NKAIN3: variants seen among roughly 807,000 people sequenced by gnomAD.
NKAIN3 encodes the protein sodium/potassium-transporting ATPase subunit beta-1-interacting protein 3.
A neutral mutation model predicts 30.2 loss-of-function variants in NKAIN3; 25 were observed. The observed-to-expected ratio is 0.83, with a 90% CI of 0.60 to 1.16. The LOEUF is 1.16. NKAIN3 is among the 50% of genes most tolerant of loss of function. The pLI, the probability that NKAIN3 is intolerant of heterozygous loss-of-function variation, is 0.00. For synonymous variants in NKAIN3, 91 were observed against 89.6 expected (o/e 1.02, Z -0.09); for missense variants, 225 against 254.1 (o/e 0.89, Z 0.78).
chr8:62,553,974 A>G (rs147421017), intron 1 of NKAIN3, among the ~76,000 whole-genome samples: 33 of 152,326 alleles, frequency 2.2e-4, no homozygotes, highest in African/African-American at 7.9e-4. Flanking sequence ...ATATCTCTTG[A>G]TGGAAAACTA....
chr8:62,540,837 A>G (rs1466391909), intron 1 of NKAIN3, among the ~76,000 whole-genome samples: 1 of 152,092 alleles, frequency 6.6e-6, no homozygotes, highest in Non-Finnish European at 1.5e-5. Context: ...AGTCTTGAAA[A>G]AAAAGGGTGA....
In NKAIN3 at chr8:62,441,980, A is replaced by G. The variant is rs572017215; in HGVS notation, c.55-137559A>G. On this transcript the variant is annotated intron_variant, in intron 1 of 6. Transcript: ENST00000623646. The stretch of plus-strand genomic sequence containing the variant: ...CCCTTTTTTTGCATTTGGGAAAATC[A>G]TATACATTTGTCTATTATTTTGTTA... Among the ~76,000 whole-genome samples the G allele has an allele frequency of 2.0e-5, 3 of 152,182 alleles. No individual in the cohort carries two copies. In the South Asian group the frequency reaches 6.2e-4, roughly 31 times the overall value.
chr8:62,899,765 G>A (rs1256599291), intron 4 of NKAIN3, among the ~76,000 whole-genome samples: 1 of 152,036 alleles, frequency 6.6e-6, no homozygotes, highest in African/African-American at 2.4e-5. Context: ...GTAACACAAA[G>A]GATAAAATGC....
chr8:62,333,374 C>T (rs1815420017), intron 1 of NKAIN3, among the ~76,000 whole-genome samples: 1 of 151,982 alleles, frequency 6.6e-6, no homozygotes, highest in African/African-American at 2.4e-5. Context: ...AGTGCATGTC[C>T]CATCGGCCAA....
chr8:62,770,397 C>T (rs1467385513), intron 4 of NKAIN3, among the ~76,000 whole-genome samples: 2 of 152,168 alleles, frequency 1.3e-5, no homozygotes, highest in Non-Finnish European at 2.9e-5. Context: ...GTAGTTTAAA[C>T]AACAAACCTG....
intron 5 of NKAIN3, among the ~76,000 whole-genome samples, chr8:62,937,733 C>T (rs1402486895): frequency 6.6e-6 from 1 of 152,036 alleles, no homozygotes; most frequent in Non-Finnish European, 1.5e-5. Context: ...ACCACAGAAG[C>T]CTCAGCAGGC....
At chr8:62,523,090 AG>A (rs1277517718) in intron 1 of NKAIN3, among the ~76,000 whole-genome samples, 2 of 152,108 alleles carry the variant, frequency 1.3e-5, no homozygotes, top group African/African-American at 4.8e-5. Flanking sequence ...TGTCCTATAC[AG>A]GTGTGCCATT....
chr8:62,545,370 G>A (rs1476885987), intron 1 of NKAIN3, among the ~76,000 whole-genome samples: 1 of 152,110 alleles, frequency 6.6e-6, no homozygotes, highest in African/African-American at 2.4e-5. Context: ...TGGATCATTT[G>A]AGGCCAGGAG....
In NKAIN3 at chr8:62,968,636, G is replaced by C. The variant is rs1399544612; in HGVS notation, c.*3229G>C. Among the ~76,000 whole-genome samples the C allele has an allele frequency of 2.6e-5, 4 of 152,192 alleles. No homozygotes were observed. The highest frequency in any genetic ancestry group is 9.6e-5 in the African/African-American group (4 of 41,454). On this transcript the variant is annotated 3_prime_UTR_variant, in exon 7 of 7. Transcript: ENST00000623646. The stretch of plus-strand genomic sequence containing the variant: ...GACATCCACTGCTCTTTAGCTTCTA[G>C]TGCTGACTGGAATGGTGAACATTTA...
At chr8:62,652,913 A>C (rs1210628466) in intron 3 of NKAIN3, among the ~76,000 whole-genome samples, 3 of 152,152 alleles carry the variant, frequency 2.0e-5, no homozygotes, top group Admixed American at 2.0e-4. Context: ...GAAGCCATAG[A>C]TCTGAACTAC....
chr8:62,909,516 G>A (rs916753273), intron 4 of NKAIN3, among the ~76,000 whole-genome samples: 1 of 152,064 alleles, frequency 6.6e-6, no homozygotes, highest in Non-Finnish European at 1.5e-5. Flanking sequence ...TTATTGGCAA[G>A]AATGCATTTT....
intron 1 of NKAIN3, among the ~76,000 whole-genome samples, chr8:62,521,435 G>A (rs1288395664): frequency 6.6e-6 from 1 of 152,124 alleles, no homozygotes; most frequent in African/African-American, 2.4e-5. Context: ...TGAATTGGTG[G>A]AAGAGTCCTT....
chr8:62,984,997 C>T (rs145856710), downstream of NKAIN3: 73 of 152,280 alleles, frequency 4.8e-4, no homozygotes, highest in African/African-American at 1.7e-3. Context: ...TTCCTGAATT[C>T]TTCAGATTTT....
At chr8:62,709,618 T>G (rs908862786) in intron 3 of NKAIN3, among the ~76,000 whole-genome samples, 4 of 152,188 alleles carry the variant, frequency 2.6e-5, no homozygotes, top group African/African-American at 9.6e-5. Flanking sequence ...TCTTCTTTTC[T>G]TGGTTTATCT....
chr8:62,433,698 C>T (rs1204897516), intron 1 of NKAIN3, among the ~76,000 whole-genome samples: 1 of 151,750 alleles, frequency 6.6e-6, no homozygotes, highest in Non-Finnish European at 1.5e-5. Context: ...CAGCAAAAAC[C>T]GCAATTAATT....
intron 1 of NKAIN3, among the ~76,000 whole-genome samples, chr8:62,449,566 A>C (rs1278546843): frequency 7.9e-5 from 12 of 152,068 alleles, no homozygotes; most frequent in African/African-American, 2.9e-4. Context: ...TCAACTTTGA[A>C]ATGTACTTAA....
intron 3 of NKAIN3, among the ~76,000 whole-genome samples, chr8:62,683,431 C>T (rs1234382354): frequency 6.6e-6 from 1 of 152,066 alleles, no homozygotes; most frequent in Non-Finnish European, 1.5e-5. Context: ...AAGGAGTTAC[C>T]AAAGGTCAAA....
intron 4 of NKAIN3, chr8:62,863,103 C>T (rs538143891): frequency 1.6e-6 from 2 of 1,287,590 alleles, no homozygotes; most frequent in Non-Finnish European, 2.2e-6. Flanking sequence ...AAGGGTATTC[C>T]CCATCCTGCT....
intron 1 of NKAIN3, among the ~76,000 whole-genome samples, chr8:62,355,482 G>A (rs1217980934): frequency 1.3e-5 from 2 of 152,132 alleles, no homozygotes; most frequent in African/African-American, 2.4e-5. Flanking sequence ...TAGTTAAGAA[G>A]GAGATGGAAC....
Sources: allele counts gnomAD v4.1 joint callset (sites outside exome capture counted in the v4.1 genomes callset), GRCh38; gene constraint gnomAD v4.1.1; transcripts MANE v1.5; gene names NCBI Gene and HGNC (gene_info 2026-07-23, HGNC 2026-07-21).